PCDHGA11: variants seen among roughly 807,000 people sequenced by gnomAD.
PCDHGA11 encodes the protein protocadherin gamma-A11.
A neutral mutation model predicts 60.4 loss-of-function variants in PCDHGA11; 39 were observed. That is an observed-to-expected ratio of 0.65 (90% CI 0.50 to 0.84). The LOEUF (loss-of-function observed/expected upper bound fraction) is 0.84. Among genes scored for constraint, PCDHGA11 ranks in the 40% least tolerant of loss-of-function variants. PCDHGA11 has a pLI of 0.00. For synonymous variants in PCDHGA11, 533 were observed against 510.3 expected (o/e 1.04, Z -0.60); for missense variants, 1,165 against 1,197.7 (o/e 0.97, Z 0.40).
intron 2 of PCDHGA11, among the ~76,000 whole-genome samples, chr5:141,501,258 T>G (rs2099806611): frequency 1.3e-5 from 2 of 150,950 alleles, no homozygotes; most frequent in South Asian, 4.2e-4. Flanking sequence ...GGGAGTATTT[T>G]ATTATAGTCC....
Position 141,431,897 on chromosome 5 carries a change from G to A in PCDHGA11, c.2433+8237G>A. On this transcript the variant is annotated intron_variant, in intron 1 of 3. Transcript: ENST00000398587. This position sits in a 1 kb window ranked among gnomAD's most constrained non-coding sequence, Gnocchi z 4.8. ...AAATGACCAAGATTCTGAGGAAAAC[G>A]GACAGGTGATCTGTTTCATCCAAGG... is the stretch of plus-strand genomic sequence containing the variant. 6 of 1,613,830 alleles carry A rather than the reference G, an allele frequency of 3.7e-6. No individual in the cohort carries two copies. The highest frequency in any genetic ancestry group is 5.1e-6 in the Non-Finnish European group (6 of 1,179,704).
chr5:141,491,537 C>T lies in PCDHGA11; in HGVS notation c.2434-3270C>T, dbSNP rs1330469043. The T allele has an allele frequency of 3.1e-6, 5 of 1,613,908 alleles. No homozygotes were observed. The highest frequency in any genetic ancestry group is 4.2e-6 in the Non-Finnish European group (5 of 1,180,020). On this transcript the variant is annotated intron_variant, in intron 1 of 3. Transcript: ENST00000398587. This position sits in a 1 kb window ranked among gnomAD's most constrained non-coding sequence, Gnocchi z 6.9. ...AAGTACATGGAGGTGACGCTGCGGC[C>T]CACAGACTCGCAGAGCCACTGCTAC...
In PCDHGA11 at chr5:141,485,441, A is replaced by G. The variant is rs1562105312; in HGVS notation, c.2434-9366A>G. ...CGGAGCCCTGCTCATCAAGAACCCA[A>G]TCGACCGAGAGGCACTGTGTGGGCT... On this transcript the variant is annotated intron_variant, in intron 1 of 3. Transcript: ENST00000398587. The surrounding 1 kb of genome is among the most constrained non-coding windows in gnomAD (Gnocchi z 5.7). 3 of 1,613,910 alleles carry G rather than the reference A, an allele frequency of 1.9e-6. No homozygotes were observed. Among genetic ancestry groups the G allele is most frequent in the South Asian group, 1.1e-5 (1 of 91,062 alleles).
Position 141,476,538 on chromosome 5 carries a change from A to G in PCDHGA11, c.2434-18269A>G, listed in dbSNP as rs2099393283. ...CCTGCTTTCCCTACCCAGGAAATGAAATTGGAGATTAGCGAGGCCGTGGCT... is the reference window on the plus strand; with the variant it reads ...CCTGCTTTCCCTACCCAGGAAATGAGATTGGAGATTAGCGAGGCCGTGGCT... On this transcript the variant is annotated intron_variant, in intron 1 of 3. Coordinates refer to ENST00000398587, the MANE Select transcript of PCDHGA11 (RefSeq NM_018914.3). The surrounding 1 kb of genome is among the most constrained non-coding windows in gnomAD (Gnocchi z 7.6). 1.2e-6 allele frequency: 2 copies of G among 1,614,162 alleles called. No homozygotes were observed. Among genetic ancestry groups the G allele is most frequent in the Non-Finnish European group, 1.7e-6 (2 of 1,180,042 alleles).
At chr5:141,437,983 A>C (rs544812394) in intron 1 of PCDHGA11, among the ~76,000 whole-genome samples, 1 of 152,056 alleles carries the variant, frequency 6.6e-6, no homozygotes, top group Admixed American at 6.5e-5. Context: ...GGATGCACCC[A>C]CCCCACCTCA....
intron 1 of PCDHGA11, among the ~76,000 whole-genome samples, chr5:141,457,854 C>A (rs2098930903): frequency 6.6e-6 from 1 of 152,234 alleles, no homozygotes; most frequent in African/African-American, 2.4e-5. Flanking sequence ...AAGTGACATT[C>A]TTCACTGACC....
In PCDHGA11 at chr5:141,432,536, G is replaced by A. The variant is rs767744134; in HGVS notation, c.2433+8876G>A. 6.2e-7 allele frequency: 1 copy of A among 1,614,050 alleles called. No individual in the cohort carries two copies. Among genetic ancestry groups the A allele is most frequent in the Non-Finnish European group, 8.5e-7 (1 of 1,180,006 alleles). On this transcript the variant is annotated intron_variant, in intron 1 of 3. Coordinates refer to ENST00000398587, the MANE Select transcript of PCDHGA11 (RefSeq NM_018914.3). This position sits in a 1 kb window ranked among gnomAD's most constrained non-coding sequence, Gnocchi z 6.0. ...CGGCTACCTGGTGACCAAGGTGGTG[G>A]CGGTGGACAGAGACTCCGGCCAGAA...
chr5:141,490,243 G>A lies in PCDHGA11; in HGVS notation c.2434-4564G>A, dbSNP rs1431165990. 1 of 1,614,238 alleles carries A rather than the reference G, an allele frequency of 6.2e-7. No individual in the cohort carries two copies. The highest frequency in any genetic ancestry group is 8.5e-7 in the Non-Finnish European group (1 of 1,180,038). The stretch of plus-strand genomic sequence containing the variant: ...ACAGCCTGCCATGGAGGGCCACTGT[G>A]TGATTCAAGTGGATGTGGGGGATGT... On this transcript the variant is annotated intron_variant, in intron 1 of 3. Coordinates refer to ENST00000398587, the MANE Select transcript of PCDHGA11 (RefSeq NM_018914.3). This position sits in a 1 kb window ranked among gnomAD's most constrained non-coding sequence, Gnocchi z 5.4.
intron 1 of PCDHGA11, among the ~76,000 whole-genome samples, chr5:141,465,206 C>T (rs375753635): frequency 1.8e-4 from 27 of 151,896 alleles, no homozygotes; most frequent in Middle Eastern, 3.4e-3. Context: ...AAAATATAAG[C>T]TTTATTTTTC....
chr5:141,437,377 A>G (rs1021305426), intron 1 of PCDHGA11, among the ~76,000 whole-genome samples: 3 of 152,246 alleles, frequency 2.0e-5, no homozygotes, highest in Non-Finnish European at 2.9e-5. Flanking sequence ...AATCAGTCAG[A>G]AGACATTCAT....
intron 3 of PCDHGA11, among the ~76,000 whole-genome samples, chr5:141,509,962 C>A (rs1186902807): frequency 2.0e-5 from 3 of 152,206 alleles, no homozygotes. Context: ...CGGGTATGGC[C>A]TTGGTCCTTC....
At chr5:141,508,162 G>A (rs377676571) in intron 3 of PCDHGA11, 4 of 152,502 alleles carry the variant, frequency 2.6e-5, no homozygotes, top group African/African-American at 9.7e-5. Context: ...CCTGAGTAGA[G>A]GCTGGCACAG....
chr5:141,423,225 C>T lies in PCDHGA11; in HGVS notation c.1998C>T (p.Ala666=), dbSNP rs763729316. The T allele has an allele frequency of 1.9e-6, 3 of 1,613,804 alleles. No homozygotes were observed. Among genetic ancestry groups the T allele is most frequent in the South Asian group, 1.1e-5 (1 of 91,082 alleles). The change falls in exon 1 of 4, where the codon GCC becomes GCT. Residue 666 remains alanine (A), a synonymous_variant. Coordinates refer to ENST00000398587, the MANE Select transcript of PCDHGA11 (RefSeq NM_018914.3). ...CCGTCACGCTCACCGTGGCTGTGGCCGACAGCATCCCCGAAGTCCTGGCGG... is the reference window on the plus strand; with the variant it reads ...CCGTCACGCTCACCGTGGCTGTGGCTGACAGCATCCCCGAAGTCCTGGCGG... ...SATVTLTVAV[A]DSIPEVLADL... is the part of the protein sequence containing the mutation.
intron 2 of PCDHGA11, among the ~76,000 whole-genome samples, chr5:141,503,239 C>G (rs1364808315): frequency 6.6e-6 from 1 of 152,088 alleles, no homozygotes; most frequent in Non-Finnish European, 1.5e-5. Flanking sequence ...TGGACAGTTT[C>G]TATCATACTC....
rs774505854 is a variant in PCDHGA11 at position 141,490,507 on chromosome 5, G to A, written c.2434-4300G>A. The A allele has an allele frequency of 5.6e-6, 9 of 1,613,898 alleles. No individual in the cohort carries two copies. The highest frequency in any genetic ancestry group is 4.0e-5 in the African/African-American group (3 of 74,868). ...GGAGGCCACATCCCACTATATCATC[G>A]AGCTGCTGGCCAGCGATGCTGGTTC... On this transcript the variant is annotated intron_variant, in intron 1 of 3. Transcript: ENST00000398587. This position sits in a 1 kb window ranked among gnomAD's most constrained non-coding sequence, Gnocchi z 5.4.
chr5:141,489,592 C>A lies in PCDHGA11; in HGVS notation c.2434-5215C>A, dbSNP rs747085985. On this transcript the variant is annotated intron_variant, in intron 1 of 3. Coordinates refer to ENST00000398587, the MANE Select transcript of PCDHGA11 (RefSeq NM_018914.3). The surrounding 1 kb of genome is among the most constrained non-coding windows in gnomAD (Gnocchi z 4.5). ...GACTGAACACCCCCTGGAGCTAATCCGTGTAGAGGTAGAGATCCTGGATCT... is the reference window on the plus strand; with the variant it reads ...GACTGAACACCCCCTGGAGCTAATCAGTGTAGAGGTAGAGATCCTGGATCT... 3 of 1,614,046 alleles carry A rather than the reference C, an allele frequency of 1.9e-6. No homozygotes were observed. Among genetic ancestry groups the A allele is most frequent in the Non-Finnish European group, 2.5e-6 (3 of 1,179,978 alleles).
chr5:141,423,484 A>G lies in PCDHGA11; in HGVS notation c.2257A>G (p.Thr753Ala). The stretch of plus-strand genomic sequence containing the variant: ...GGACGGGGTACAGGCTTTCCTGCAA[A>G]CCTATTCCCACGAGGTCTCTCTCAT... ...GVDGVQAFLQTYSHEVSLIAD... is the reference protein window; with the variant it reads ...GVDGVQAFLQAYSHEVSLIAD... The change falls in exon 1 of 4, where the codon ACC (threonine) becomes GCC (alanine). Residue 753 changes from threonine to alanine, a missense_variant. Thr to Ala is a moderately conservative substitution (Grantham distance 58). Transcript: ENST00000398587. 1 of 1,613,722 alleles carries G rather than the reference A, an allele frequency of 6.2e-7. No homozygotes were observed. The highest frequency in any genetic ancestry group is 8.5e-7 in the Non-Finnish European group (1 of 1,179,876).
chr5:141,449,830 T>G (rs1316368063), intron 1 of PCDHGA11, among the ~76,000 whole-genome samples: 1 of 151,724 alleles, frequency 6.6e-6, no homozygotes, highest in Non-Finnish European at 1.5e-5. Flanking sequence ...AAGGACATTC[T>G]TTTATATAAT....
At chr5:141,506,213 A>G (rs2154593866) in intron 3 of PCDHGA11, among the ~76,000 whole-genome samples, 1 of 152,204 alleles carries the variant, frequency 6.6e-6, no homozygotes, top group South Asian at 2.1e-4. Flanking sequence ...CACTTTGGGA[A>G]GCTGAGGCAG....
Sources: gnomAD v4.1 joint callset for allele counts (sites outside exome capture counted in the v4.1 genomes callset) on GRCh38, gnomAD v4.1.1 for gene constraint, Gnocchi (gnomAD v3.1) non-coding constraint, MANE v1.5 for transcripts, NCBI Gene and HGNC (gene_info 2026-07-23, HGNC 2026-07-21) for gene names.